FAM227B: variants seen among roughly 807,000 people sequenced by gnomAD.
FAM227B encodes family with sequence similarity 227 member B, also known as protein FAM227B.
In FAM227B, 88 loss-of-function variants were observed where a neutral mutation model predicts 73.8. That is an observed-to-expected ratio of 1.19 (90% CI 1.00 to 1.42). FAM227B has a LOEUF of 1.42. FAM227B is among the 40% of genes most tolerant of loss of function. The probability of loss-of-function intolerance (pLI) is 0.00; values close to 1 mark genes in which losing one functional copy is unlikely to be tolerated. For missense variants in FAM227B, 632 were observed against 590.9 expected (o/e 1.07, Z -0.72); for synonymous variants, 210 against 190.5 (o/e 1.10, Z -0.84).
chr15:49,375,244 G>A (rs546302499), intron 11 of FAM227B, among the ~76,000 whole-genome samples: 4 of 152,066 alleles, frequency 2.6e-5, no homozygotes, highest in Admixed American at 6.5e-5. Context: ...CGCTAGCATC[G>A]TTAGGTTTCA....
At chr15:49,478,609 C>G (rs12593151) in intron 11 of FAM227B, among the ~76,000 whole-genome samples, 1 of 151,844 alleles carries the variant, frequency 6.6e-6, no homozygotes, top group Non-Finnish European at 1.5e-5. Flanking sequence ...TATATTTGAT[C>G]AAGGACAAGA....
At chr15:49,351,031 C>T (rs2042168651) in intron 13 of FAM227B, among the ~76,000 whole-genome samples, 1 of 152,210 alleles carries the variant, frequency 6.6e-6, no homozygotes, top group Non-Finnish European at 1.5e-5. Context: ...CAGTGCATAA[C>T]CTACTCAACC....
chr15:49,372,680 A>G (rs959367690), intron 11 of FAM227B, among the ~76,000 whole-genome samples: 1 of 152,182 alleles, frequency 6.6e-6, no homozygotes, highest in Non-Finnish European at 1.5e-5. Flanking sequence ...TCAGCCTAAA[A>G]GCAGAAGCTA....
chr15:49,452,783 C>T (rs1402707113), intron 11 of FAM227B, among the ~76,000 whole-genome samples: 1 of 152,098 alleles, frequency 6.6e-6, no homozygotes, highest in Non-Finnish European at 1.5e-5. Flanking sequence ...ATAATGAATA[C>T]TGTATATGTG....
chr15:49,360,233 G>A (rs1422746242), intron 13 of FAM227B, among the ~76,000 whole-genome samples: 1 of 97,138 alleles, frequency 1.0e-5, no homozygotes, highest in Non-Finnish European at 2.2e-5. Context: ...AAAACTTATA[G>A]TATAAGGAAA....
intron 11 of FAM227B, among the ~76,000 whole-genome samples, chr15:49,494,772 A>G (rs1388676985): frequency 6.6e-6 from 1 of 152,190 alleles, no homozygotes; most frequent in East Asian, 1.9e-4. Flanking sequence ...AAGCTCCTTT[A>G]AGAGCAGCTG....
chr15:49,443,659 G>A (rs1361665380), intron 11 of FAM227B, among the ~76,000 whole-genome samples: 2 of 151,724 alleles, frequency 1.3e-5, no homozygotes, highest in Non-Finnish European at 3.0e-5. Flanking sequence ...AGAAGTGAGT[G>A]AAGTTCCAAT....
At chr15:49,383,927 A>C (rs1041644981) in intron 11 of FAM227B, among the ~76,000 whole-genome samples, 7 of 152,046 alleles carry the variant, frequency 4.6e-5, no homozygotes, top group African/African-American at 9.7e-5. Context: ...TACAGGAGAC[A>C]CCTGGCTTTG....
chr15:49,392,371 G>A (rs145264501), intron 11 of FAM227B, among the ~76,000 whole-genome samples: 93 of 152,238 alleles, frequency 6.1e-4, no homozygotes, highest in African/African-American at 2.2e-3. Context: ...ACAGTGGAAT[G>A]TGCATGGGGA....
chr15:49,379,372 T>C (rs2046374994), intron 11 of FAM227B, among the ~76,000 whole-genome samples: 1 of 152,076 alleles, frequency 6.6e-6, no homozygotes, highest in African/African-American at 2.4e-5. Flanking sequence ...TTGAGTAGGA[T>C]TGGTGTTAGT....
At chr15:49,550,120 C>A (rs1341007094) in intron 9 of FAM227B, among the ~76,000 whole-genome samples, 1 of 143,098 alleles carries the variant, frequency 7.0e-6, no homozygotes, top group Non-Finnish European at 1.5e-5. Context: ...CTGACCCCCC[C>A]ACCTCCCTCC....
rs1163125402 is a variant in FAM227B, at chr15:49,358,872, A to G, written c.1271+8576T>C. ...GCTACAGTAACCAAAACAGCATGGT[A>G]CTGGTACCAAAACAGAGATATAGAT... On this transcript the variant is annotated intron_variant, in intron 13 of 15. Coordinates refer to ENST00000299338, the MANE Select transcript of FAM227B (RefSeq NM_152647.3). 2.0e-5 allele frequency among the ~76,000 whole-genome samples: 3 copies of G among 150,602 alleles called. No individual in the cohort carries two copies. In the East Asian group the frequency reaches 5.9e-4, roughly 30 times the overall value.
intron 11 of FAM227B, among the ~76,000 whole-genome samples, chr15:49,402,837 T>A (rs1028586870): frequency 5.9e-5 from 9 of 151,940 alleles, no homozygotes; most frequent in African/African-American, 1.9e-4. Context: ...GTGGTGAGAG[T>A]GGATATCCTT....
At chr15:49,502,760 T>C (rs535183664) in intron 11 of FAM227B, among the ~76,000 whole-genome samples, 23 of 152,252 alleles carry the variant, frequency 1.5e-4, no homozygotes, top group Non-Finnish European at 3.4e-4. Flanking sequence ...GGTGAAATGA[T>C]ATAGTTTGGA....
chr15:49,426,979 T>C lies in FAM227B; in HGVS notation c.1013-55580A>G, dbSNP rs539768619. 5.9e-5 allele frequency among the ~76,000 whole-genome samples: 9 copies of C among 152,066 alleles called. 1 individual carries two copies. The highest frequency in any genetic ancestry group is 2.2e-4 in the African/African-American group (9 of 41,528). The stretch of plus-strand genomic sequence containing the variant: ...TTGGAGAAGGAGTCAGTAAGATTTC[T>C]CCAAAGTTAAAAAGAGGATAAGCCA... On this transcript the variant is annotated intron_variant, in intron 11 of 15. Coordinates refer to ENST00000299338, the MANE Select transcript of FAM227B (RefSeq NM_152647.3).
At chr15:49,398,972 A>G (rs1336416234) in intron 11 of FAM227B, among the ~76,000 whole-genome samples, 2 of 81,290 alleles carry the variant, frequency 2.5e-5, no homozygotes, top group Non-Finnish European at 5.1e-5. Context: ...TTCAAAAGCT[A>G]GCAGAAGGCA....
At chr15:49,570,833 T>C (rs867974741) in intron 8 of FAM227B, among the ~76,000 whole-genome samples, 57 of 147,364 alleles carry the variant, frequency 3.9e-4, no homozygotes, top group African/African-American at 1.3e-3. Flanking sequence ...ATATTATATA[T>C]AATATATAAA....
At chr15:49,455,188 C>G (rs909951282) in intron 11 of FAM227B, among the ~76,000 whole-genome samples, 2 of 152,138 alleles carry the variant, frequency 1.3e-5, no homozygotes, top group Non-Finnish European at 2.9e-5. Context: ...ACAGGCACCT[C>G]AAGTCTGGTG....
intron 11 of FAM227B, among the ~76,000 whole-genome samples, chr15:49,448,269 C>T (rs2052404445): frequency 6.6e-6 from 1 of 151,510 alleles, no homozygotes; most frequent in South Asian, 2.1e-4. Context: ...CATCTCCTTC[C>T]AAATTTGTCT....
Sources: allele counts gnomAD v4.1 joint callset (sites outside exome capture counted in the v4.1 genomes callset), GRCh38; gene constraint gnomAD v4.1.1; transcripts MANE v1.5; gene names NCBI Gene and HGNC (gene_info 2026-07-23, HGNC 2026-07-21).